The following AKAP13 variants were observed in gnomAD, a reference collection of about 807,000 sequenced individuals.
The protein encoded by AKAP13 is A-kinase anchoring protein 13, also known as A-kinase anchor protein 13.
In AKAP13, 80 loss-of-function variants were observed where a neutral mutation model predicts 264.5. That is an observed-to-expected ratio of 0.30 (90% CI 0.25 to 0.36). The LOEUF (loss-of-function observed/expected upper bound fraction) is 0.36, where lower values mean the gene tolerates loss of function less well. Among genes scored for constraint, AKAP13 ranks in the 10% least tolerant of loss-of-function variants. The pLI, the probability that AKAP13 is intolerant of heterozygous loss-of-function variation, is 1.00. For synonymous variants in AKAP13, 1,380 were observed against 1,250.2 expected, an observed-to-expected ratio of 1.10 and a Z score of -2.19; for missense variants, 3,712 against 3,435.2, an observed-to-expected ratio of 1.08 and a Z score of -2.01.
In AKAP13 at chr15:85,665,207, A is replaced by G. The variant is rs186601609; in HGVS notation, c.4992+452A>G. Among the ~76,000 whole-genome samples the G allele has an allele frequency of 7.1e-4, 108 of 152,310 alleles. 1 individual carries two copies. Among genetic ancestry groups the G allele is most frequent in the Admixed American group, 4.7e-3 (72 of 15,290 alleles). On this transcript the variant is annotated intron_variant, in intron 13 of 36. Transcript: ENST00000394518. ...GACAGAGCAAGACTCTGTCTCCAAA[A>G]AGAAAAAAGAAAAAATAAAGACTAC...
In AKAP13 at chr15:85,724,547, T is replaced by G. The variant is rs2087489914; in HGVS notation, c.6745+1227T>G. Reference sequence around the variant, plus strand: ...GAGAGCAGAGTGAATGACAGGGGAGTGACGGGAAACCAGCCCAAAGAAACG... The same window carrying G: ...GAGAGCAGAGTGAATGACAGGGGAGGGACGGGAAACCAGCCCAAAGAAACG... On this transcript the variant is annotated intron_variant, in intron 26 of 36. Coordinates refer to ENST00000394518, the MANE Select transcript of AKAP13 (RefSeq NM_007200.5). The surrounding 1 kb of genome is among the most constrained non-coding windows in gnomAD (Gnocchi z 4.2). 1.3e-5 allele frequency among the ~76,000 whole-genome samples: 2 copies of G among 150,048 alleles called. No individual in the cohort carries two copies. Among genetic ancestry groups the G allele is most frequent in the African/African-American group, 2.5e-5 (1 of 40,610 alleles).
At chr15:85,561,533 A>G (rs748056559) in intron 5 of AKAP13, among the ~76,000 whole-genome samples, 4 of 152,234 alleles carry the variant, frequency 2.6e-5, no homozygotes, top group Non-Finnish European at 4.4e-5. Context: ...TACTTTGATC[A>G]CATCAATAAA....
chr15:85,696,239 C>T (rs2085560674), intron 17 of AKAP13, among the ~76,000 whole-genome samples: 1 of 152,050 alleles, frequency 6.6e-6, no homozygotes. Context: ...TAGTGGAAAC[C>T]AGGTAATATA....
chr15:85,723,925 A>C (rs1021700731), intron 26 of AKAP13, among the ~76,000 whole-genome samples: 2 of 152,232 alleles, frequency 1.3e-5, no homozygotes, highest in Non-Finnish European at 2.9e-5. Flanking sequence ...CATTTCTAAT[A>C]GTCAGCCGTA....
intron 1 of AKAP13, among the ~76,000 whole-genome samples, chr15:85,449,506 G>A (rs985217352): frequency 1.3e-5 from 2 of 152,062 alleles, no homozygotes; most frequent in Non-Finnish European, 2.9e-5. Flanking sequence ...GTCTTGTACC[G>A]GTTTTCAAGG....
chr15:85,692,275 A>C (rs2085329063), intron 16 of AKAP13, among the ~76,000 whole-genome samples: 1 of 152,234 alleles, frequency 6.6e-6, no homozygotes, highest in African/African-American at 2.4e-5. Context: ...ATGAGTAATT[A>C]ATAATATTGC....
intron 1 of AKAP13, among the ~76,000 whole-genome samples, chr15:85,442,481 A>ATTATATTATATATTATT (rs1491549851): frequency 6.4e-4 from 75 of 117,102 alleles, no homozygotes; most frequent in Non-Finnish European, 1.1e-3. Context: ...TATATTATAT[A>ATTATATTATATATTATT]ATATATATAA....
chr15:85,578,841 G>T (rs569161509), intron 6 of AKAP13, 89 bp from the exon 7 acceptor site: 2 of 1,250,020 alleles, frequency 1.6e-6, no homozygotes, highest in South Asian at 2.8e-5. Flanking sequence ...ATAGAAGTGA[G>T]TTCTGTCCAA....
intron 1 of AKAP13, among the ~76,000 whole-genome samples, chr15:85,462,465 G>A (rs1596257438): frequency 6.6e-6 from 1 of 152,110 alleles, no homozygotes; most frequent in African/African-American, 2.4e-5. Flanking sequence ...TTCTTTGGAG[G>A]AATAGAAAAA....
At chr15:85,608,011 C>T (rs190470482) in intron 8 of AKAP13, among the ~76,000 whole-genome samples, 20 of 152,186 alleles carry the variant, frequency 1.3e-4, no homozygotes, top group Admixed American at 3.3e-4. Context: ...CAAGTTGTAC[C>T]TCTGCATTTT....
rs527768286 is a variant in AKAP13 at position 85,471,750 on chromosome 15, A to C, written c.-11-13960A>C. ...CTACTTTTGCCTTTTCTAGAATTGC[A>C]TAAGAATGGGATCGCATAATAGGTA... On this transcript the variant is annotated intron_variant, in intron 1 of 36. Coordinates refer to ENST00000394518, the MANE Select transcript of AKAP13 (RefSeq NM_007200.5). Among the ~76,000 whole-genome samples the C allele has an allele frequency of 2.6e-5, 4 of 152,240 alleles. No homozygotes were observed. The East Asian group carries it at 7.7e-4, about 29-fold the overall frequency.
Position 85,744,060 on chromosome 15 carries a change from C to T in AKAP13, c.8392+235C>T, listed in dbSNP as rs548636477. The T allele has an allele frequency of 1.6e-4, 87 of 537,104 alleles. No homozygotes were observed. In the South Asian group the frequency reaches 2.2e-3, roughly 14 times the overall value. The allele number at this position is 537,104 out of a possible 1,614,324, so 33.3% of individuals were successfully genotyped here. ...GAGAGCATGGGTTTCATTTTCAAGG[C>T]ATTATCCGATCGAGGAACTGGAGCT... On this transcript the variant is annotated intron_variant, in intron 36 of 36. Transcript: ENST00000394518.
At position 85,634,889 on chromosome 15, in the gene AKAP13, T is replaced by C. The variant is rs189006630; in HGVS notation, c.4162-4485T>C. Among the ~76,000 whole-genome samples, 17 of 152,204 alleles carry C rather than the reference T, an allele frequency of 1.1e-4. No individual in the cohort carries two copies. In the East Asian group the frequency reaches 3.3e-3, roughly 29 times the overall value. On this transcript the variant is annotated intron_variant, in intron 8 of 36. Transcript: ENST00000394518. ...TAATACTCTTGAGATTCATCCATGT[T>C]GTTTGTATCAGCAGTTCATTTCTTC...
intron 1 of AKAP13, among the ~76,000 whole-genome samples, chr15:85,462,769 A>C (rs1404898369): frequency 6.6e-6 from 1 of 152,138 alleles, no homozygotes; most frequent in East Asian, 1.9e-4. Flanking sequence ...TCACGCCTGT[A>C]ATCCCAGCAC....
Position 85,719,059 on chromosome 15 carries a change from C to G in AKAP13, c.6002-17C>G. On this transcript the variant is annotated splice_polypyrimidine_tract_variant and intron_variant, in intron 22 of 36. Transcript: ENST00000394518. ...TAAAAGAGTGTTCCTGACACTTGATCTTTTTCCTCCTTTTAGAGTTGATGC... is the reference window on the plus strand; with the variant it reads ...TAAAAGAGTGTTCCTGACACTTGATGTTTTTCCTCCTTTTAGAGTTGATGC... 1 of 1,612,462 alleles carries G rather than the reference C, an allele frequency of 6.2e-7. No individual in the cohort carries two copies. The highest frequency in any genetic ancestry group is 8.5e-7 in the Non-Finnish European group (1 of 1,179,278).
At chr15:85,384,729 A>G (rs1385102323) in intron 1 of AKAP13, among the ~76,000 whole-genome samples, 3 of 152,068 alleles carry the variant, frequency 2.0e-5, no homozygotes, top group African/African-American at 7.2e-5. Flanking sequence ...AAAAAAAAAA[A>G]AAAAGGTTTG....
At chr15:85,646,703 C>G (rs1439176921) in intron 10 of AKAP13, among the ~76,000 whole-genome samples, 1 of 152,204 alleles carries the variant, frequency 6.6e-6, no homozygotes, top group African/African-American at 2.4e-5. Context: ...TCATATCACT[C>G]ATCCTCATCT....
chr15:85,501,494 G>A (rs1049660812), intron 2 of AKAP13, among the ~76,000 whole-genome samples: 6 of 152,186 alleles, frequency 3.9e-5, no homozygotes, highest in African/African-American at 1.4e-4. Context: ...TACTGTATAT[G>A]TGTGCATTTG....
intron 19 of AKAP13, among the ~76,000 whole-genome samples, chr15:85,712,821 G>A (rs1051144981): frequency 6.6e-6 from 1 of 152,186 alleles, no homozygotes; most frequent in South Asian, 2.1e-4. Flanking sequence ...TGGGATTATA[G>A]GCGTGAACCA....
Sources: gnomAD v4.1 joint callset for allele counts (sites outside exome capture counted in the v4.1 genomes callset) on GRCh38, gnomAD v4.1.1 for gene constraint, Gnocchi (gnomAD v3.1) non-coding constraint, MANE v1.5 for transcripts, NCBI Gene and HGNC (gene_info 2026-07-23, HGNC 2026-07-21) for gene names.